The following DOCK8 variants were observed in gnomAD, a reference collection of about 807,000 sequenced individuals.
The protein encoded by DOCK8 is dedicator of cytokinesis 8.
In DOCK8, 141 loss-of-function variants were observed where a neutral mutation model predicts 245.6. The observed-to-expected ratio is 0.57, with a 90% CI of 0.50 to 0.66. The LOEUF (loss-of-function observed/expected upper bound fraction) is 0.66. Ranked by LOEUF, DOCK8 falls within the 30% of genes least tolerant of loss-of-function variation. The pLI, the probability that DOCK8 is intolerant of heterozygous loss-of-function variation, is 0.00. For synonymous variants in DOCK8, 1,168 were observed against 970.2 expected (o/e 1.20, Z -3.79); for missense variants, 2,965 against 2,603.4 (o/e 1.14, Z -3.02).
chr9:415,259 TAAC>T (rs1234423164), intron 29 of DOCK8, among the ~76,000 whole-genome samples: 6 of 152,192 alleles, frequency 3.9e-5, no homozygotes, highest in African/African-American at 1.4e-4. Context: ...GATGAAATAA[TAAC>T]AAGATTACTG....
At position 439,408 on chromosome 9, in the gene DOCK8, C is replaced by T; in HGVS notation, c.5223+20C>T. 3 of 1,610,870 alleles carry T rather than the reference C, an allele frequency of 1.9e-6. No homozygotes were observed. Among genetic ancestry groups the T allele is most frequent in the Non-Finnish European group, 2.5e-6 (3 of 1,179,886 alleles). On this transcript the variant is annotated intron_variant, in intron 40 of 47. Transcript: ENST00000432829. The stretch of plus-strand genomic sequence containing the variant: ...AGCACGGTCAGTGCCCAGAGGGCAT[C>T]CCGGGGCCTGGCCTCCCATACTCCA...
intron 1 of DOCK8, among the ~76,000 whole-genome samples, chr9:224,147 A>G (rs1292701715): frequency 6.6e-6 from 1 of 152,214 alleles, no homozygotes; most frequent in Non-Finnish European, 1.5e-5. Context: ...TGCATACAGG[A>G]AACTATAAAG....
At chr9:431,700 G>T (rs2056719964) in intron 36 of DOCK8, among the ~76,000 whole-genome samples, 1 of 152,016 alleles carries the variant, frequency 6.6e-6, no homozygotes, top group Non-Finnish European at 1.5e-5. Context: ...GTAGAGGCGG[G>T]GTTTTGCTGT....
At chr9:360,015 T>C (rs961459818) in intron 14 of DOCK8, among the ~76,000 whole-genome samples, 2 of 152,096 alleles carry the variant, frequency 1.3e-5, no homozygotes, top group Non-Finnish European at 2.9e-5. Context: ...TTTCAAGCTG[T>C]TAAAAAATGA....
At chr9:275,352 G>A (rs910914222) in intron 2 of DOCK8, among the ~76,000 whole-genome samples, 2 of 152,166 alleles carry the variant, frequency 1.3e-5, no homozygotes, top group African/African-American at 4.8e-5. Context: ...AGTGGCAGGT[G>A]TTTAGAAGAG....
intron 6 of DOCK8, among the ~76,000 whole-genome samples, 165 bp from the exon 7 acceptor site, chr9:316,877 TG>T (rs2050369810): frequency 6.6e-6 from 1 of 152,236 alleles, no homozygotes; most frequent in African/African-American, 2.4e-5. Flanking sequence ...GCTTTGAGGT[TG>T]GGGGTTGGAA....
intron 10 of DOCK8, among the ~76,000 whole-genome samples, chr9:333,407 C>T (rs1030901500): frequency 1.7e-4 from 26 of 152,274 alleles, no homozygotes; most frequent in African/African-American, 5.1e-4. Context: ...TGAGACCATC[C>T]TGGCCAACAC....
chr9:340,620 CAA>C, intron 14 of DOCK8: 2 of 180,524 alleles, frequency 1.1e-5, no homozygotes, highest in Non-Finnish European at 1.1e-5. Context: ...GACTCTGTCT[CAA>C]AAAAAAAAGA....
At chr9:219,003 CTGAGATTCAAATG>C (rs1234839525) in intron 1 of DOCK8, among the ~76,000 whole-genome samples, 2 of 152,180 alleles carry the variant, frequency 1.3e-5, no homozygotes, top group Non-Finnish European at 2.9e-5. Flanking sequence ...AAGGTCACAG[CTGAGATTCAAATG>C]CAGGCAGCCT....
At chr9:332,715 G>T (rs1358970256) in intron 10 of DOCK8, among the ~76,000 whole-genome samples, 2 of 146,848 alleles carry the variant, frequency 1.4e-5, no homozygotes, top group Non-Finnish European at 3.0e-5. Flanking sequence ...TGGAGTGCTG[G>T]AGTGCAATCA....
intron 1 of DOCK8, among the ~76,000 whole-genome samples, chr9:232,381 G>T (rs1428057804): frequency 6.6e-6 from 1 of 152,176 alleles, no homozygotes; most frequent in Non-Finnish European, 1.5e-5. Context: ...TCTCTGCCAG[G>T]CTTTGGTATC....
At chr9:374,451 G>GTTTTTTTTTTTTTTTTTTTTTTTTT (rs1563980130) in intron 18 of DOCK8, among the ~76,000 whole-genome samples, 1 of 83,594 alleles carries the variant, frequency 1.2e-5, no homozygotes. Context: ...TGGTCCTTTT[G>GTTTTTTTTTTTTTTTTTTTTTTTTT]TGTTTTTTTT....
chr9:464,135 C>T (rs775938796), intron 47 of DOCK8, 24 bp from the exon 48 acceptor site: 3 of 1,598,204 alleles, frequency 1.9e-6, no homozygotes, highest in African/African-American at 1.3e-5. Flanking sequence ...TTTCCCTCTC[C>T]TCCCTCTCTT....
chr9:405,155 A>T, intron 27 of DOCK8, 82 bp downstream of exon 27: 2 of 1,398,464 alleles, frequency 1.4e-6, no homozygotes, highest in South Asian at 2.4e-5. Context: ...ATTTCCTATA[A>T]AGGTTAGTCT....
intron 1 of DOCK8, among the ~76,000 whole-genome samples, chr9:223,927 G>A (rs916951692): frequency 5.3e-5 from 8 of 152,008 alleles, no homozygotes; most frequent in Admixed American, 3.3e-4. Flanking sequence ...ACAATATATG[G>A]TATAGCTTCT....
chr9:376,169 G>A, intron 18 of DOCK8, 41 bp from the exon 19 acceptor site: 2 of 1,398,160 alleles, frequency 1.4e-6, no homozygotes, highest in Admixed American at 1.7e-5. Flanking sequence ...ATCAGAAAAG[G>A]GAATTGGATT....
intron 28 of DOCK8, among the ~76,000 whole-genome samples, chr9:407,848 G>T (rs931893839): frequency 6.6e-6 from 1 of 152,122 alleles, no homozygotes; most frequent in Non-Finnish European, 1.5e-5. Flanking sequence ...GACAAAATTC[G>T]CTGCCCCTCA....
intron 19 of DOCK8, among the ~76,000 whole-genome samples, chr9:376,766 T>C (rs924772990): frequency 9.9e-5 from 15 of 152,226 alleles, no homozygotes; most frequent in African/African-American, 3.6e-4. Flanking sequence ...ATTTCTTCTT[T>C]AGCTAATAAT....
chr9:220,543 G>A (rs867760960), intron 1 of DOCK8, among the ~76,000 whole-genome samples: 1 of 152,088 alleles, frequency 6.6e-6, no homozygotes, highest in Non-Finnish European at 1.5e-5. Context: ...TTAAGGGACC[G>A]TGAGAAGGTA....
Sources: gnomAD v4.1 joint callset for allele counts (sites outside exome capture counted in the v4.1 genomes callset) on GRCh38, gnomAD v4.1.1 for gene constraint, MANE v1.5 for transcripts, NCBI Gene and HGNC (gene_info 2026-07-23, HGNC 2026-07-21) for gene names.